Variants in STEEP1 observed in about 807,000 individuals in gnomAD.
STEEP1 encodes the protein STING1 ER exit protein 1, also known as STING ER exit protein.
A neutral mutation model predicts 19.2 loss-of-function variants in STEEP1; 3 were observed. The ratio of observed to expected loss-of-function variants is 0.16; its 90% CI spans 0.07 to 0.40. The LOEUF (loss-of-function observed/expected upper bound fraction) is 0.40. STEEP1 is among the 10% of genes least tolerant of loss of function. STEEP1 has a pLI of 0.99. For missense variants in STEEP1, 54 were observed against 177.1 expected (o/e 0.30, Z 3.94); for synonymous variants, 46 against 63.7 (o/e 0.72, Z 1.32).
At chrX:119,553,211 C>T (rs1261457802) in intron 2 of STEEP1, among the ~76,000 whole-genome samples, 1 of 74,740 alleles carries the variant, frequency 1.3e-5, no homozygotes, top group Admixed American at 1.7e-4. Context: ...CTGAGGCATT[C>T]GCATTAAAAC....
At chrX:119,552,408 C>T in intron 2 of STEEP1, among the ~76,000 whole-genome samples, 1 of 112,560 alleles carries the variant, frequency 8.9e-6, no homozygotes, top group Non-Finnish European at 1.9e-5. Flanking sequence ...GGTTCGATTA[C>T]TTTGCTAGTG....
Position 119,565,400 on chromosome X carries a change from G to T in STEEP1, c.-45C>A. On this transcript the variant is annotated 5_prime_UTR_variant, in exon 1 of 7. Coordinates refer to ENST00000644802, the MANE Select transcript of STEEP1 (RefSeq NM_022101.4). The stretch of plus-strand genomic sequence containing the variant: ...AAAACTCTACGCCAAGAAGAGGGTC[G>T]CCCCGAAATGACGTCACGAGTGCGC... 9.6e-7 allele frequency: 1 copy of T among 1,044,390 alleles called. No individual in the cohort carries two copies. Among genetic ancestry groups the T allele is most frequent in the Non-Finnish European group, 1.3e-6 (1 of 753,725 alleles). The allele number at this position is 1,044,390 out of a possible 1,213,427, so 86.1% of individuals were successfully genotyped here. A position where few individuals can be genotyped will look rare whatever the true frequency, so the allele number is the denominator to read the frequency against.
intron 4 of STEEP1, 29 bp from the exon 5 acceptor site, chrX:119,542,623 C>T (rs1211609818): frequency 2.8e-5 from 30 of 1,076,157 alleles, no homozygotes; most frequent in Non-Finnish European, 3.7e-5. Flanking sequence ...AGAAGTCAGT[C>T]CGGTTCACCA....
At chrX:119,561,213 T>C (rs758039091) in intron 1 of STEEP1, among the ~76,000 whole-genome samples, 6 of 108,629 alleles carry the variant, frequency 5.5e-5, no homozygotes, top group Non-Finnish European at 1.1e-4. Flanking sequence ...CACTTCAGCC[T>C]GGGCAACAGA....
At chrX:119,546,003 T>C (rs2147348403) in intron 2 of STEEP1, among the ~76,000 whole-genome samples, 1 of 110,720 alleles carries the variant, frequency 9.0e-6, no homozygotes, top group East Asian at 2.8e-4. Flanking sequence ...GTCAGGTATC[T>C]CCCTGACAAA....
rs762828496 is a variant in STEEP1 at position 119,540,812 on chromosome X, G to A, written c.606+516C>T. Among the ~76,000 whole-genome samples, 373 of 112,047 alleles carry A rather than the reference G, an allele frequency of 3.3e-3. 3 individuals carry two copies. Among genetic ancestry groups the A allele is most frequent in the African/African-American group, 0.011 (347 of 30,936 alleles). ...TGAAATCCCAGTACTTTGGGAGCCC[G>A]AGGCGGGCAGATCACCTGAGGTCAG... is the stretch of plus-strand genomic sequence containing the variant. On this transcript the variant is annotated intron_variant, in intron 6 of 6. Coordinates refer to ENST00000644802, the MANE Select transcript of STEEP1 (RefSeq NM_022101.4).
rs181472795 is a variant in STEEP1, at chrX:119,547,138, T to C, written c.243-1634A>G. ...ATATTTTTTTCCTTTTTTAGACAAA[T>C]GTACGCTGTTCTCTACTTTTGTTCA... On this transcript the variant is annotated intron_variant, in intron 2 of 6. Coordinates refer to ENST00000644802, the MANE Select transcript of STEEP1 (RefSeq NM_022101.4). Among the ~76,000 whole-genome samples the C allele has an allele frequency of 5.7e-3, 635 of 111,978 alleles. 1 individual carries two copies. Among genetic ancestry groups the C allele is most frequent in the Non-Finnish European group, 9.8e-3 (523 of 53,221 alleles).
At chrX:119,554,557 G>A (rs945867159) in intron 2 of STEEP1, among the ~76,000 whole-genome samples, 2 of 111,784 alleles carry the variant, frequency 1.8e-5, no homozygotes, top group African/African-American at 3.3e-5. Flanking sequence ...AATGAATAGC[G>A]CTGACTTGTG....
intron 2 of STEEP1, among the ~76,000 whole-genome samples, chrX:119,557,155 C>CAAAAAAAAAAAAAAAA (rs61087266): frequency 1.3e-4 from 6 of 47,763 alleles, no homozygotes; most frequent in Non-Finnish European, 1.9e-4. Context: ...GACTCTATCT[C>CAAAAAAAAAAAAAAAA]AAAAAAAAAA....
intron 4 of STEEP1, among the ~76,000 whole-genome samples, chrX:119,543,875 G>A (rs1197916916): frequency 1.8e-5 from 2 of 112,233 alleles, no homozygotes; most frequent in African/African-American, 6.5e-5. Context: ...ATAAAAAGAA[G>A]AAAATTTGAA....
intron 2 of STEEP1, among the ~76,000 whole-genome samples, chrX:119,555,821 G>T (rs4825650): frequency 1.5e-4 from 17 of 109,913 alleles, no homozygotes. Context: ...GGGATGGTGG[G>T]GACAGATGAG....
chrX:119,545,825 G>A (rs2053199782), intron 2 of STEEP1, among the ~76,000 whole-genome samples: 2 of 107,812 alleles, frequency 1.9e-5, no homozygotes, highest in South Asian at 4.1e-4. Flanking sequence ...CCTGGGAGGC[G>A]GAGGTTGCGG....
intron 1 of STEEP1, 114 bp from the exon 2 acceptor site, chrX:119,560,499 T>A (rs1383860336): frequency 4.0e-6 from 2 of 506,116 alleles, no homozygotes; most frequent in Admixed American, 6.1e-5. Context: ...AATTTTCTAC[T>A]ACAATTACTA....
At chrX:119,560,173 C>A in intron 2 of STEEP1, 95 bp downstream of exon 2, 1 of 597,459 alleles carries the variant, frequency 1.7e-6, no homozygotes, top group Non-Finnish European at 2.8e-6. Flanking sequence ...TTGGGACCAA[C>A]TGACCTGTTC....
chrX:119,542,626 G>GT (rs1181318012), intron 4 of STEEP1, 32 bp from the exon 5 acceptor site: 1 of 1,069,045 alleles, frequency 9.4e-7, no homozygotes, highest in Middle Eastern at 2.5e-4. Flanking sequence ...AGTCAGTCCG[G>GT]TTCACCAAAA....
chrX:119,545,637 C>T, intron 2 of STEEP1, 133 bp from the exon 3 acceptor site: 1 of 431,031 alleles, frequency 2.3e-6, no homozygotes, highest in Non-Finnish European at 4.3e-6. Flanking sequence ...TGGCTCACGC[C>T]TGTAATCCCA....
intron 2 of STEEP1, among the ~76,000 whole-genome samples, 193 bp from the exon 3 acceptor site, chrX:119,545,697 G>C (rs2053198495): frequency 9.0e-6 from 1 of 111,332 alleles, no homozygotes; most frequent in Admixed American, 9.5e-5. Flanking sequence ...AGGAGTTCGA[G>C]ACCAGCCTCA....
intron 4 of STEEP1, among the ~76,000 whole-genome samples, chrX:119,544,061 T>C (rs944909805): frequency 2.7e-5 from 3 of 111,435 alleles, no homozygotes; most frequent in Non-Finnish European, 5.6e-5. Flanking sequence ...GAATACCCCA[T>C]TTTCCATGAT....
chrX:119,544,292 T>C, intron 4 of STEEP1, 61 bp downstream of exon 4: 1 of 1,022,877 alleles, frequency 9.8e-7, no homozygotes, highest in Non-Finnish European at 1.4e-6. Context: ...TATAATCTTA[T>C]TTCAAAACAT....
Sources: allele counts gnomAD v4.1 joint callset (sites outside exome capture counted in the v4.1 genomes callset), GRCh38; gene constraint gnomAD v4.1.1; transcripts MANE v1.5; gene names NCBI Gene and HGNC (gene_info 2026-07-23, HGNC 2026-07-21).